RASGEF1B: variants seen among roughly 807,000 people sequenced by gnomAD.
The protein encoded by RASGEF1B is ras-GEF domain-containing family member 1B.
In RASGEF1B, 30 loss-of-function variants were observed where a neutral mutation model predicts 65.7. That is an observed-to-expected ratio of 0.46 (90% CI 0.34 to 0.62). The LOEUF is 0.62. Among genes scored for constraint, RASGEF1B ranks in the 20% least tolerant of loss-of-function variants. RASGEF1B has a pLI of 0.01. For synonymous variants in RASGEF1B, 175 were observed against 194.8 expected (o/e 0.90, Z 0.85); for missense variants, 495 against 580.1 (o/e 0.85, Z 1.51).
chr4:81,444,406 G>A (rs1721949006), intron 8 of RASGEF1B, among the ~76,000 whole-genome samples: 1 of 152,144 alleles, frequency 6.6e-6, no homozygotes, highest in South Asian at 2.1e-4. Context: ...GAGAGAAAGA[G>A]GAAATGATAT....
intron 1 of RASGEF1B, among the ~76,000 whole-genome samples, chr4:81,469,224 T>G (rs549516084): frequency 1.3e-5 from 2 of 152,318 alleles, no homozygotes; most frequent in Non-Finnish European, 2.9e-5. Context: ...GCTTTTTCAT[T>G]TATTATGTGT....
chr4:81,430,373 C>T (rs764400910), intron 13 of RASGEF1B, among the ~76,000 whole-genome samples: 4 of 152,178 alleles, frequency 2.6e-5, no homozygotes, highest in African/African-American at 4.8e-5. Flanking sequence ...TCCAGTACAC[C>T]GAGGCAAGAA....
intron 13 of RASGEF1B, among the ~76,000 whole-genome samples, chr4:81,428,988 G>T (rs1004198427): frequency 6.6e-6 from 1 of 152,232 alleles, no homozygotes; most frequent in Admixed American, 6.5e-5. Flanking sequence ...CGATAACCCA[G>T]TACCATTCAA....
chr4:81,437,244 T>TA (rs1396788239), intron 10 of RASGEF1B, among the ~76,000 whole-genome samples: 6 of 152,142 alleles, frequency 3.9e-5, no homozygotes, highest in African/African-American at 1.4e-4. Context: ...AGCTAAAAAA[T>TA]AAAAAAATAA....
At chr4:81,449,952 TA>T (rs1722190760) in intron 4 of RASGEF1B, among the ~76,000 whole-genome samples, 1 of 152,176 alleles carries the variant, frequency 6.6e-6, no homozygotes, top group Non-Finnish European at 1.5e-5. Flanking sequence ...ACTGGTCCAT[TA>T]GATGACCCCT....
rs555515123 is a variant in RASGEF1B, at chr4:81,442,249, T to C, written c.1008+48A>G. 47 of 1,228,078 alleles carry C rather than the reference T, an allele frequency of 3.8e-5. No individual in the cohort carries two copies. In the African/African-American group the frequency reaches 6.7e-4, roughly 17 times the overall value. 76.1% of individuals were successfully genotyped at this position (1,228,078 alleles called of 1,614,324 possible). Reference sequence around the variant, plus strand: ...CAAGACCACATAAAGGAATTCCACTTTCCAGGTGTAAAGTGTTACTTAACA... The same window carrying C: ...CAAGACCACATAAAGGAATTCCACTCTCCAGGTGTAAAGTGTTACTTAACA... On this transcript the variant is annotated intron_variant, in intron 9 of 13. Coordinates refer to ENST00000264400, the MANE Select transcript of RASGEF1B (RefSeq NM_152545.3).
intron 8 of RASGEF1B, among the ~76,000 whole-genome samples, chr4:81,444,455 T>C (rs956819500): frequency 2.0e-5 from 3 of 152,140 alleles, no homozygotes; most frequent in Non-Finnish European, 2.9e-5. Flanking sequence ...GAAGGGAGAA[T>C]TTATTAGATT....
chr4:81,438,216 A>C (rs942483042), intron 10 of RASGEF1B, among the ~76,000 whole-genome samples: 3 of 152,370 alleles, frequency 2.0e-5, no homozygotes, highest in East Asian at 3.9e-4. Context: ...AACAAAAAAA[A>C]CAAACAGCTA....
chr4:81,435,683 G>A (rs1339262905), intron 10 of RASGEF1B, among the ~76,000 whole-genome samples: 1 of 148,342 alleles, frequency 6.7e-6, no homozygotes, highest in Non-Finnish European at 1.5e-5. Flanking sequence ...CACCGTGTTA[G>A]CCAGGATGGT....
chr4:81,465,558 T>C lies in RASGEF1B; in HGVS notation c.-6-6044A>G, dbSNP rs185278725. 9.3e-4 allele frequency among the ~76,000 whole-genome samples: 142 copies of C among 152,294 alleles called. 1 individual carries two copies. Among genetic ancestry groups the C allele is most frequent in the Non-Finnish European group, 3.7e-4 (25 of 68,018 alleles). On this transcript the variant is annotated intron_variant, in intron 1 of 13. Coordinates refer to ENST00000264400, the MANE Select transcript of RASGEF1B (RefSeq NM_152545.3). ...CTGAAAAAGTTCAGCCTGACATTGA[T>C]CCAGCAGCAAGGAAGCAAGCTCTGG...
chr4:81,441,188 G>A (rs907799109), intron 9 of RASGEF1B, among the ~76,000 whole-genome samples: 1 of 152,054 alleles, frequency 6.6e-6, no homozygotes, highest in African/African-American at 2.4e-5. Context: ...GCTAATTGTT[G>A]AGCTTAGATG....
rs764182068 is a variant in RASGEF1B at position 81,448,204 on chromosome 4, G to C, written c.519C>G (p.Val173=). The C allele has an allele frequency of 8.1e-6, 13 of 1,613,840 alleles. No homozygotes were observed. The highest frequency in any genetic ancestry group is 1.1e-5 in the Non-Finnish European group (13 of 1,179,988). The change falls in exon 5 of 14, where the codon GTC becomes GTG. Residue 173 remains valine (V), a synonymous_variant. Coordinates refer to ENST00000264400, the MANE Select transcript of RASGEF1B (RefSeq NM_152545.3). ...KLAALSQYEE[V]LAKISSTSTD... is the part of the protein sequence containing the mutation. ...TGGATGTGGAGCTGATTTTTGCCAGGACTTCTTCGTACTGGCTGAGCGCAG... is the reference window on the plus strand; with the variant it reads ...TGGATGTGGAGCTGATTTTTGCCAGCACTTCTTCGTACTGGCTGAGCGCAG...
chr4:81,445,451 A>G (rs1043321493), intron 8 of RASGEF1B, 75 bp downstream of exon 8: 1 of 1,044,168 alleles, frequency 9.6e-7, no homozygotes, highest in Non-Finnish European at 1.5e-6. Flanking sequence ...AAACCATACT[A>G]TTTGCACATT....
Position 81,427,511 on chromosome 4 carries a change from C to T in RASGEF1B, c.*257G>A, listed in dbSNP as rs368896828. Reference sequence around the variant, plus strand: ...CCAGGAGATGAATAATGTGCAGAGCCGGGATTTTTAGAGGATTCTTTCTCA... The same window carrying T: ...CCAGGAGATGAATAATGTGCAGAGCTGGGATTTTTAGAGGATTCTTTCTCA... On this transcript the variant is annotated 3_prime_UTR_variant, in exon 14 of 14. Coordinates refer to ENST00000264400, the MANE Select transcript of RASGEF1B (RefSeq NM_152545.3). 3.1e-5 allele frequency: 14 copies of T among 456,000 alleles called. No individual in the cohort carries two copies. Among genetic ancestry groups the T allele is most frequent in the Admixed American group, 1.2e-4 (3 of 25,168 alleles). The allele number at this position is 456,000 out of a possible 1,614,324, so 28.2% of individuals were successfully genotyped here. A position where few individuals can be genotyped will look rare whatever the true frequency, so the allele number is the denominator to read the frequency against.
chr4:81,469,652 T>TACACAC (rs111913026), intron 1 of RASGEF1B, among the ~76,000 whole-genome samples: 2 of 132,410 alleles, frequency 1.5e-5, no homozygotes, highest in African/African-American at 6.1e-5. Context: ...TATGTGTATA[T>TACACAC]ATACACACAC....
At chr4:81,469,236 G>T (rs996864671) in intron 1 of RASGEF1B, among the ~76,000 whole-genome samples, 3 of 152,082 alleles carry the variant, frequency 2.0e-5, no homozygotes, top group Non-Finnish European at 4.4e-5. Context: ...ATTATGTGTG[G>T]CATCAGAATC....
At chr4:81,437,713 C>CATAGAA (rs2109970810) in intron 10 of RASGEF1B, among the ~76,000 whole-genome samples, 1 of 152,290 alleles carries the variant, frequency 6.6e-6, no homozygotes, top group African/African-American at 2.4e-5. Context: ...ATCACTCTTT[C>CATAGAA]ATAGAAATAG....
chr4:81,459,383 G>A lies in RASGEF1B; in HGVS notation c.126C>T (p.Ser42=). 1 of 1,613,074 alleles carries A rather than the reference G, an allele frequency of 6.2e-7. No individual in the cohort carries two copies. The highest frequency in any genetic ancestry group is 8.5e-7 in the Non-Finnish European group (1 of 1,179,714). ...YYHDNNLLSG[S]LEALIQHLVP... is the part of the protein sequence containing the mutation. The stretch of plus-strand genomic sequence containing the variant: ...CTAAGTGCTGGATGAGTGCTTCCAG[G>A]GATCCAGAGAGGAGGTTGTTGTCAT... Residue 42 remains serine (S), a synonymous_variant, in exon 2 of 14, where the codon TCC becomes TCT. Coordinates refer to ENST00000264400, the MANE Select transcript of RASGEF1B (RefSeq NM_152545.3).
intron 1 of RASGEF1B, among the ~76,000 whole-genome samples, chr4:81,469,654 T>TATACACACAC (rs143154663): frequency 2.7e-5 from 4 of 150,912 alleles, no homozygotes; most frequent in African/African-American, 9.7e-5. Flanking sequence ...TGTGTATATA[T>TATACACACAC]ACACACACAC....
Sources: allele counts gnomAD v4.1 joint callset (sites outside exome capture counted in the v4.1 genomes callset), GRCh38; gene constraint gnomAD v4.1.1; transcripts MANE v1.5; gene names NCBI Gene and HGNC (gene_info 2026-07-23, HGNC 2026-07-21).